The following GPC5 variants were observed in gnomAD, a reference collection of about 807,000 sequenced individuals.
The protein encoded by GPC5 is glypican 5, also known as glypican-5.
In GPC5, 47 loss-of-function variants were observed where a neutral mutation model predicts 53.9. The ratio of observed to expected loss-of-function variants is 0.87; its 90% CI spans 0.69 to 1.11. The LOEUF (loss-of-function observed/expected upper bound fraction) is 1.11. GPC5 is among the 50% of genes most tolerant of loss of function. The pLI, the probability that GPC5 is intolerant of heterozygous loss-of-function variation, is 0.00. For missense variants in GPC5, 748 were observed against 713.1 expected (o/e 1.05, Z -0.56); for synonymous variants, 286 against 263.3 (o/e 1.09, Z -0.84).
At chr13:92,513,270 G>T (rs1880642371) in intron 7 of GPC5, among the ~76,000 whole-genome samples, 1 of 152,154 alleles carries the variant, frequency 6.6e-6, no homozygotes, top group African/African-American at 2.4e-5. Context: ...CATTGACAGT[G>T]TGCTTAGGGG....
At chr13:92,229,045 T>TA (rs1260048173) in intron 7 of GPC5, among the ~76,000 whole-genome samples, 39 of 152,156 alleles carry the variant, frequency 2.6e-4, no homozygotes, top group Non-Finnish European at 4.4e-5. Flanking sequence ...GAAAAAGTGA[T>TA]AGACTATATG....
At chr13:92,079,839 G>A (rs9523504) in intron 6 of GPC5, among the ~76,000 whole-genome samples, 2,183 of 152,218 alleles carry the variant, frequency 0.014, 38 homozygotes, top group Non-Finnish European at 0.02. Context: ...CCTGCCTCTC[G>A]CTTGCCTTTC....
intron 7 of GPC5, among the ~76,000 whole-genome samples, chr13:92,548,359 T>A (rs1882198221): frequency 6.6e-6 from 1 of 151,516 alleles, no homozygotes; most frequent in African/African-American, 2.4e-5. Flanking sequence ...TCTCATATAC[T>A]AGGCAATACC....
rs374731752 is a variant in GPC5, at chr13:92,183,541, A to G, written c.1561+38552A>G. 2.6e-5 allele frequency among the ~76,000 whole-genome samples: 4 copies of G among 152,348 alleles called. No homozygotes were observed. In the East Asian group the frequency reaches 7.7e-4, roughly 29 times the overall value. ...GATTTAATTACTAAAATGTTTTAAA[A>G]TAACAATTAAAATATAGTTAGCAAT... On this transcript the variant is annotated intron_variant, in intron 7 of 7. Coordinates refer to ENST00000377067, the MANE Select transcript of GPC5 (RefSeq NM_004466.6).
chr13:92,321,602 A>AACATACATACAT (rs34397471), intron 7 of GPC5, among the ~76,000 whole-genome samples: 2 of 150,520 alleles, frequency 1.3e-5, no homozygotes, highest in African/African-American at 2.4e-5. Context: ...CTCCATCTCA[A>AACATACATACAT]ACATACATAC....
chr13:92,565,630 A>G (rs771725080), intron 7 of GPC5, among the ~76,000 whole-genome samples: 14 of 152,104 alleles, frequency 9.2e-5, no homozygotes, highest in African/African-American at 1.4e-4. Flanking sequence ...TTTTCCACTA[A>G]GGAAGAAACT....
intron 2 of GPC5, among the ~76,000 whole-genome samples, chr13:91,578,462 G>A (rs542033925): frequency 6.6e-6 from 1 of 152,258 alleles, no homozygotes; most frequent in South Asian, 2.1e-4. Context: ...TCTCATAGAA[G>A]AGAGTTATTG....
At chr13:91,497,615 T>C (rs12868016) in intron 2 of GPC5, among the ~76,000 whole-genome samples, 1 of 152,152 alleles carries the variant, frequency 6.6e-6, no homozygotes, top group Non-Finnish European at 1.5e-5. Context: ...TGTATCCTTT[T>C]CCATTTAAGT....
chr13:92,783,505 G>T (rs182843091), intron 7 of GPC5, among the ~76,000 whole-genome samples: 4 of 152,282 alleles, frequency 2.6e-5, no homozygotes, highest in African/African-American at 9.6e-5. Context: ...ACACTTGAAT[G>T]ATCTATATTT....
chr13:91,829,962 A>G (rs2038630068), intron 5 of GPC5, among the ~76,000 whole-genome samples: 1 of 152,078 alleles, frequency 6.6e-6, no homozygotes, highest in African/African-American at 2.4e-5. Flanking sequence ...TTGCTAATGA[A>G]GTTTCAGGCA....
Position 91,572,210 on chromosome 13 carries a change from C to T in GPC5, c.326-120977C>T, listed in dbSNP as rs368450096. On this transcript the variant is annotated intron_variant, in intron 2 of 7. Coordinates refer to ENST00000377067, the MANE Select transcript of GPC5 (RefSeq NM_004466.6). ...GTATACACACACATATGTATATATA[C>T]GTGTATATATATACACATATGTATA... 6.9e-3 allele frequency among the ~76,000 whole-genome samples: 574 copies of T among 83,790 alleles called. 22 individuals carry two copies. The highest frequency in any genetic ancestry group is 0.014 in the South Asian group (25 of 1,752). 55.0% of individuals were successfully genotyped at this position (83,790 alleles called of 152,430 possible).
At chr13:91,430,277 G>A (rs533558258) in intron 1 of GPC5, among the ~76,000 whole-genome samples, 2 of 152,296 alleles carry the variant, frequency 1.3e-5, no homozygotes, top group South Asian at 4.1e-4. Flanking sequence ...CCTGACTATA[G>A]TCAGATGGGC....
intron 7 of GPC5, among the ~76,000 whole-genome samples, chr13:92,517,233 G>A (rs543527711): frequency 1.3e-5 from 2 of 152,312 alleles, no homozygotes; most frequent in African/African-American, 4.8e-5. Flanking sequence ...GCCTGCCTCT[G>A]TAGACTCCAC....
At chr13:92,371,184 C>G (rs2043647567) in intron 7 of GPC5, among the ~76,000 whole-genome samples, 1 of 152,070 alleles carries the variant, frequency 6.6e-6, no homozygotes, top group African/African-American at 2.4e-5. Flanking sequence ...AACAAAAAGA[C>G]CTTCTTGTTT....
intron 7 of GPC5, among the ~76,000 whole-genome samples, chr13:92,486,294 T>TA (rs1205164713): frequency 2.6e-5 from 4 of 152,104 alleles, no homozygotes; most frequent in Non-Finnish European, 5.9e-5. Flanking sequence ...CACCGAAAAA[T>TA]ACACTGAGAA....
chr13:92,756,344 G>A (rs1302386582), intron 7 of GPC5, among the ~76,000 whole-genome samples: 1 of 151,958 alleles, frequency 6.6e-6, no homozygotes, highest in Non-Finnish European at 1.5e-5. Context: ...AATAATAAGA[G>A]CTATCTATGA....
intron 6 of GPC5, among the ~76,000 whole-genome samples, chr13:92,126,693 T>A (rs1455828281): frequency 6.6e-6 from 1 of 152,200 alleles, no homozygotes; most frequent in East Asian, 1.9e-4. Flanking sequence ...GAAATGTTTG[T>A]CAATCTCTGG....
intron 5 of GPC5, among the ~76,000 whole-genome samples, chr13:91,784,725 A>G (rs887877451): frequency 1.4e-5 from 1 of 73,138 alleles, no homozygotes; most frequent in African/African-American, 4.5e-5. Context: ...ACTCCATCTC[A>G]GAAAAAAAAA....
intron 7 of GPC5, among the ~76,000 whole-genome samples, chr13:92,150,964 T>C (rs2041903246): frequency 6.6e-6 from 1 of 151,966 alleles, no homozygotes; most frequent in Non-Finnish European, 1.5e-5. Context: ...CATATAGCTA[T>C]CAACAAAACC....
Sources: gnomAD v4.1 joint callset for allele counts (sites outside exome capture counted in the v4.1 genomes callset) on GRCh38, gnomAD v4.1.1 for gene constraint, MANE v1.5 for transcripts, NCBI Gene and HGNC (gene_info 2026-07-23, HGNC 2026-07-21) for gene names.